IL1RAPL1: variants seen among roughly 807,000 people sequenced by gnomAD.
IL1RAPL1 encodes interleukin-1 receptor accessory protein-like 1.
In IL1RAPL1, 3 loss-of-function variants were observed where a neutral mutation model predicts 48.4. The ratio of observed to expected loss-of-function variants is 0.06; its 90% CI spans 0.03 to 0.16. IL1RAPL1 has a LOEUF of 0.16. Among genes scored for constraint, IL1RAPL1 ranks in the 10% least tolerant of loss-of-function variants. The pLI is 1.00. For synonymous variants in IL1RAPL1, 185 were observed against 187.7 expected, an observed-to-expected ratio of 0.99 and a Z score of 0.12; for missense variants, 349 against 530.6, an observed-to-expected ratio of 0.66 and a Z score of 3.36.
chrX:29,736,982 C>T (rs1216012391), intron 6 of IL1RAPL1, among the ~76,000 whole-genome samples: 1 of 111,468 alleles, frequency 9.0e-6, no homozygotes, highest in Non-Finnish European at 1.9e-5. Context: ...ACAGTATTCC[C>T]CCAACCACCA....
At chrX:29,035,669 G>A (rs985858631) in intron 2 of IL1RAPL1, among the ~76,000 whole-genome samples, 2 of 110,607 alleles carry the variant, frequency 1.8e-5, no homozygotes, top group Admixed American at 1.9e-4. Context: ...TAAAAATAAA[G>A]TTGCAAAAGT....
At chrX:29,695,588 G>A (rs1188722238) in intron 6 of IL1RAPL1, among the ~76,000 whole-genome samples, 1 of 91,494 alleles carries the variant, frequency 1.1e-5, no homozygotes, top group African/African-American at 4.3e-5. Flanking sequence ...CTTGGTGCTT[G>A]CAAGGTGGCG....
chrX:29,672,047 C>T (rs1402722485), intron 6 of IL1RAPL1, among the ~76,000 whole-genome samples: 6 of 111,809 alleles, frequency 5.4e-5, no homozygotes, highest in African/African-American at 1.9e-4. Context: ...ACGCATTCTG[C>T]TCCTATTAAA....
At chrX:29,263,149 T>G (rs1174555497) in intron 2 of IL1RAPL1, among the ~76,000 whole-genome samples, 1 of 112,055 alleles carries the variant, frequency 8.9e-6, no homozygotes, top group Non-Finnish European at 1.9e-5. Flanking sequence ...TGTACTGTAT[T>G]ATAGTTATTT....
rs1398336450 is a variant in IL1RAPL1 at position 28,674,379 on chromosome X, G to A, written c.-25+86332G>A. Among the ~76,000 whole-genome samples, 3 of 111,258 alleles carry A rather than the reference G, an allele frequency of 2.7e-5. No homozygotes were observed. In the Admixed American group the frequency reaches 2.9e-4, roughly 11 times the overall value. ...CACCCCCCTTCCCTATGCACTCAATGAAACAATTTAAATTAAGTATCTATT... is the reference window on the plus strand; with the variant it reads ...CACCCCCCTTCCCTATGCACTCAATAAAACAATTTAAATTAAGTATCTATT... On this transcript the variant is annotated intron_variant, in intron 1 of 10. Coordinates refer to ENST00000378993, the MANE Select transcript of IL1RAPL1 (RefSeq NM_014271.4).
At chrX:29,592,635 A>C (rs1923412791) in intron 5 of IL1RAPL1, among the ~76,000 whole-genome samples, 1 of 112,202 alleles carries the variant, frequency 8.9e-6, no homozygotes, top group Admixed American at 9.4e-5. Flanking sequence ...ATCAACTGCA[A>C]TGCCACATTC....
At chrX:28,961,570 A>C (rs1372360483) in intron 2 of IL1RAPL1, among the ~76,000 whole-genome samples, 1 of 110,295 alleles carries the variant, frequency 9.1e-6, no homozygotes, top group Non-Finnish European at 1.9e-5. Context: ...TCACTGTTCA[A>C]CTCCCACTTA....
chrX:29,401,549 T>C (rs1269206665), intron 5 of IL1RAPL1, among the ~76,000 whole-genome samples: 1 of 111,456 alleles, frequency 9.0e-6, no homozygotes, highest in East Asian at 2.8e-4. Context: ...AGTATCTGAA[T>C]GATAAGGAAT....
chrX:28,854,169 T>C (rs183449974), intron 2 of IL1RAPL1, among the ~76,000 whole-genome samples: 2 of 111,866 alleles, frequency 1.8e-5, no homozygotes, highest in East Asian at 2.8e-4. Context: ...GGCAATTCAA[T>C]TGGATGTATA....
intron 1 of IL1RAPL1, among the ~76,000 whole-genome samples, chrX:28,678,992 G>GT (rs1201385923): frequency 1.8e-5 from 2 of 111,600 alleles, no homozygotes; most frequent in African/African-American, 6.5e-5. Context: ...TTTATTTGTA[G>GT]TTTTTTTGAG....
chrX:29,533,835 G>C (rs1231144451), intron 5 of IL1RAPL1, among the ~76,000 whole-genome samples: 1 of 111,697 alleles, frequency 9.0e-6, no homozygotes, highest in East Asian at 2.8e-4. Context: ...TATTTTCATA[G>C]ATAATCCATT....
chrX:29,212,418 C>T (rs930289821), intron 2 of IL1RAPL1, among the ~76,000 whole-genome samples: 6 of 111,543 alleles, frequency 5.4e-5, no homozygotes, highest in Non-Finnish European at 9.4e-5. Context: ...AAGCAATTCT[C>T]GTGCCTCAGC....
intron 2 of IL1RAPL1, among the ~76,000 whole-genome samples, chrX:28,978,383 T>C (rs1055537596): frequency 4.5e-5 from 5 of 110,538 alleles, no homozygotes; most frequent in African/African-American, 1.6e-4. Flanking sequence ...TGACTGAGAG[T>C]GGGGAAGGAG....
At chrX:29,948,456 A>G (rs1439809285) in intron 9 of IL1RAPL1, among the ~76,000 whole-genome samples, 1 of 111,571 alleles carries the variant, frequency 9.0e-6, no homozygotes, top group African/African-American at 3.2e-5. Context: ...ATAAAATCAA[A>G]CCATTAAGGT....
intron 5 of IL1RAPL1, among the ~76,000 whole-genome samples, chrX:29,622,777 G>A (rs1399799852): frequency 1.8e-5 from 2 of 111,048 alleles, no homozygotes; most frequent in Non-Finnish European, 3.8e-5. Context: ...ACCATAAAAT[G>A]ACATATATTG....
At chrX:29,738,680 T>C (rs1254283620) in intron 6 of IL1RAPL1, among the ~76,000 whole-genome samples, 1 of 110,988 alleles carries the variant, frequency 9.0e-6, no homozygotes, top group East Asian at 2.8e-4. Flanking sequence ...GCTTAAGTGA[T>C]CTGCCTGCTT....
intron 5 of IL1RAPL1, among the ~76,000 whole-genome samples, chrX:29,587,706 C>T (rs769911188): frequency 1.8e-5 from 2 of 111,613 alleles, no homozygotes; most frequent in South Asian, 7.5e-4. Flanking sequence ...ACTGGGCTCC[C>T]CCTTGCACTA....
chrX:29,285,492 A>G (rs1278039636), intron 3 of IL1RAPL1, among the ~76,000 whole-genome samples: 1 of 83,361 alleles, frequency 1.2e-5, no homozygotes, highest in Non-Finnish European at 2.2e-5. Flanking sequence ...AGATCGCGCC[A>G]TTGCACTGGC....
intron 6 of IL1RAPL1, among the ~76,000 whole-genome samples, chrX:29,697,204 C>A (rs943031205): frequency 8.9e-6 from 1 of 111,848 alleles, no homozygotes; most frequent in Non-Finnish European, 1.9e-5. Context: ...GGTAAAATGT[C>A]GACCCTTTCT....
Sources: gnomAD v4.1 joint callset for allele counts (sites outside exome capture counted in the v4.1 genomes callset) on GRCh38, gnomAD v4.1.1 for gene constraint, MANE v1.5 for transcripts, NCBI Gene and HGNC (gene_info 2026-07-23, HGNC 2026-07-21) for gene names.